Variants in RABGAP1L observed in about 807,000 individuals in gnomAD.
RABGAP1L encodes rab GTPase-activating protein 1-like.
In RABGAP1L, 63 loss-of-function variants were observed where a neutral mutation model predicts 137.7. The ratio of observed to expected loss-of-function variants is 0.46; its 90% CI spans 0.37 to 0.56. The LOEUF is 0.56. RABGAP1L is among the 20% of genes least tolerant of loss of function. The pLI is 0.00. For missense variants in RABGAP1L, 1,095 were observed against 1,244.0 expected (o/e 0.88, Z 1.80); for synonymous variants, 431 against 433.7 (o/e 0.99, Z 0.08).
intron 11 of RABGAP1L, among the ~76,000 whole-genome samples, chr1:174,314,624 G>A (rs539301929): frequency 5.3e-4 from 80 of 151,926 alleles, no homozygotes; most frequent in African/African-American, 1.9e-3. Context: ...TTTTTTTGAT[G>A]TAGACAGTTA....
At chr1:174,291,387 A>G (rs1255503354) in intron 10 of RABGAP1L, among the ~76,000 whole-genome samples, 1 of 151,776 alleles carries the variant, frequency 6.6e-6, no homozygotes, top group Admixed American at 6.6e-5. Context: ...AATAATTTTT[A>G]TGTCTATTTT....
At chr1:174,420,819 C>T (rs575729609) in intron 13 of RABGAP1L, among the ~76,000 whole-genome samples, 145 of 151,858 alleles carry the variant, frequency 9.5e-4, no homozygotes, top group African/African-American at 3.3e-3. Context: ...GGACTACAGG[C>T]GCCCGCCACC....
intron 13 of RABGAP1L, among the ~76,000 whole-genome samples, chr1:174,458,102 T>C (rs1656246283): frequency 6.6e-6 from 1 of 152,124 alleles, no homozygotes; most frequent in African/African-American, 2.4e-5. Context: ...TACAAGGGGC[T>C]ATATGGACTT....
intron 13 of RABGAP1L, among the ~76,000 whole-genome samples, chr1:174,624,042 A>T (rs1196439470): frequency 6.6e-6 from 1 of 152,326 alleles, no homozygotes; most frequent in East Asian, 1.9e-4. Context: ...GATTAAGTTA[A>T]AGTGTTTGCA....
chr1:174,684,481 C>T (rs758896472), intron 15 of RABGAP1L, among the ~76,000 whole-genome samples: 10 of 151,878 alleles, frequency 6.6e-5, no homozygotes, highest in East Asian at 1.9e-4. Context: ...AGTGGTATGA[C>T]GTAAAAATGG....
intron 4 of RABGAP1L, among the ~76,000 whole-genome samples, chr1:174,235,003 C>G (rs1180672280): frequency 8.0e-6 from 1 of 124,960 alleles, no homozygotes; most frequent in Non-Finnish European, 1.6e-5. Flanking sequence ...AGTTGGATTC[C>G]TAGGTATTTT....
chr1:174,829,044 G>A (rs904778804), intron 19 of RABGAP1L, among the ~76,000 whole-genome samples: 5 of 147,738 alleles, frequency 3.4e-5, no homozygotes, highest in African/African-American at 1.2e-4. Context: ...TCCATAATTA[G>A]TGTACAACCA....
chr1:174,637,692 A>T (rs1674175899), intron 14 of RABGAP1L, among the ~76,000 whole-genome samples: 1 of 152,060 alleles, frequency 6.6e-6, no homozygotes. Flanking sequence ...ATGAGGGAGG[A>T]GGCGCAGCAT....
At chr1:174,434,539 C>T (rs6677262) in intron 13 of RABGAP1L, among the ~76,000 whole-genome samples, 53,603 of 152,016 alleles carry the variant, frequency 0.35, 12,111 homozygotes, top group African/African-American at 0.64. Context: ...AAGAAAATTC[C>T]AAACTGTTTG....
intron 19 of RABGAP1L, among the ~76,000 whole-genome samples, chr1:174,923,204 T>C (rs1231838387): frequency 1.3e-5 from 2 of 151,418 alleles, no homozygotes; most frequent in African/African-American, 4.9e-5. Flanking sequence ...TAAGGTAAGG[T>C]GTGTTATATG....
At chr1:174,859,701 T>C (rs955277257) in intron 19 of RABGAP1L, among the ~76,000 whole-genome samples, 3 of 151,298 alleles carry the variant, frequency 2.0e-5, no homozygotes, top group East Asian at 3.9e-4. Flanking sequence ...GGGCAGAGGG[T>C]AGGAGGGAGA....
chr1:174,881,758 C>G (rs986078307), intron 19 of RABGAP1L, among the ~76,000 whole-genome samples: 40 of 151,972 alleles, frequency 2.6e-4, no homozygotes, highest in African/African-American at 9.4e-4. Flanking sequence ...CCTCAGCCCC[C>G]CAAAGTGCTG....
chr1:174,527,246 C>T lies in RABGAP1L; in HGVS notation c.1711-110129C>T, dbSNP rs528716771. Among the ~76,000 whole-genome samples the T allele has an allele frequency of 1.1e-3, 166 of 147,980 alleles. 1 individual carries two copies. The highest frequency in any genetic ancestry group is 4.0e-3 in the African/African-American group (159 of 40,218). On this transcript the variant is annotated intron_variant, in intron 13 of 25. Coordinates refer to ENST00000681986, the MANE Select transcript of RABGAP1L (RefSeq NM_001366446.1). Reference sequence around the variant, plus strand: ...TGAGACAGAATCTCACTCTGTCTCCCGGAATGAAGTTCAGTGGCACGATCT... The same window carrying T: ...TGAGACAGAATCTCACTCTGTCTCCTGGAATGAAGTTCAGTGGCACGATCT...
chr1:174,891,414 G>A (rs891781392), intron 19 of RABGAP1L, among the ~76,000 whole-genome samples: 11 of 152,122 alleles, frequency 7.2e-5, no homozygotes, highest in African/African-American at 2.7e-4. Flanking sequence ...GTTGATTAAT[G>A]TATTTTATTA....
intron 13 of RABGAP1L, among the ~76,000 whole-genome samples, chr1:174,507,752 T>C (rs1458158601): frequency 6.6e-6 from 1 of 152,090 alleles, no homozygotes; most frequent in African/African-American, 2.4e-5. Flanking sequence ...CTTCTGAGGG[T>C]CAATGAACCC....
intron 13 of RABGAP1L, among the ~76,000 whole-genome samples, chr1:174,464,681 A>T (rs1445199271): frequency 6.6e-6 from 1 of 151,904 alleles, no homozygotes; most frequent in Non-Finnish European, 1.5e-5. Flanking sequence ...CTTCTACCTT[A>T]ATCACTCTTT....
intron 11 of RABGAP1L, among the ~76,000 whole-genome samples, chr1:174,320,222 C>G (rs1020116760): frequency 6.6e-6 from 1 of 152,178 alleles, no homozygotes; most frequent in South Asian, 2.1e-4. Context: ...CAGAAACTTT[C>G]TCTTATGCCC....
At chr1:174,498,074 G>T (rs933155239) in intron 13 of RABGAP1L, among the ~76,000 whole-genome samples, 2 of 152,062 alleles carry the variant, frequency 1.3e-5, no homozygotes, top group African/African-American at 4.8e-5. Context: ...CATTTTTAAA[G>T]TTCCAAATTA....
intron 18 of RABGAP1L, among the ~76,000 whole-genome samples, chr1:174,784,655 C>T (rs554149076): frequency 7.4e-4 from 113 of 152,198 alleles, no homozygotes; most frequent in African/African-American, 2.4e-3. Flanking sequence ...TGTCAGGAAT[C>T]GGAGTTCAAA....
Sources: gnomAD v4.1 joint callset for allele counts (sites outside exome capture counted in the v4.1 genomes callset) on GRCh38, gnomAD v4.1.1 for gene constraint, MANE v1.5 for transcripts, NCBI Gene and HGNC (gene_info 2026-07-23, HGNC 2026-07-21) for gene names.